The following SMG1 variants were observed in gnomAD, a reference collection of about 807,000 sequenced individuals.
SMG1 encodes the protein SMG1 nonsense mediated mRNA decay associated PI3K related kinase.
Under a neutral mutation model 419.9 loss-of-function variants are expected in SMG1, and 22 were observed. That is an observed-to-expected ratio of 0.05 (90% confidence interval 0.04 to 0.07). The LOEUF (loss-of-function observed/expected upper bound fraction) is 0.07. Among genes scored for constraint, SMG1 ranks in the 10% least tolerant of loss-of-function variants. SMG1 has a pLI of 1.00. For synonymous variants in SMG1, 1,538 were observed against 1,553.5 expected (o/e 0.99, Z 0.23); for missense variants, 3,185 against 4,342.0 (o/e 0.73, Z 7.49).
intron 1 of SMG1, among the ~76,000 whole-genome samples, chr16:18,922,325 T>A (rs1386067294): frequency 6.6e-6 from 1 of 152,272 alleles, no homozygotes; most frequent in South Asian, 2.1e-4. Flanking sequence ...AGGTCAGATA[T>A]CCCTTTGTTC....
At chr16:18,867,128 G>A (rs2035554524) in intron 22 of SMG1, among the ~76,000 whole-genome samples, 1 of 152,178 alleles carries the variant, frequency 6.6e-6, no homozygotes, top group South Asian at 2.1e-4. Flanking sequence ...TTTGAATACT[G>A]CTTGACATTA....
intron 6 of SMG1, among the ~76,000 whole-genome samples, chr16:18,886,009 T>G (rs2036597001): frequency 6.6e-6 from 1 of 152,172 alleles, no homozygotes; most frequent in Non-Finnish European, 1.5e-5. Flanking sequence ...ACTAAGATGT[T>G]AAGCTAAAAA....
In SMG1 at chr16:18,854,697, G is replaced by A; in HGVS notation, c.4442C>T (p.Pro1481Leu). 6.2e-7 allele frequency: 1 copy of A among 1,613,678 alleles called. No individual in the cohort carries two copies. The highest frequency in any genetic ancestry group is 8.5e-7 in the Non-Finnish European group (1 of 1,179,818). Residue 1481 changes from proline to leucine, a missense_variant, in exon 30 of 63, where the codon CCC becomes CTC. By Grantham distance (98) the Pro-to-Leu change is moderately conservative (BLOSUM62 -3). Transcript: ENST00000446231. Reference protein sequence around the residue: ...TQGQVDEKWGPELDIEKTKLL... With the variant: ...TQGQVDEKWGLELDIEKTKLL... ...TTTGGTTTTTTCAATATCAAGTTCG[G>A]GCCCCCATTTTTCATCCACTTGACC...
chr16:18,921,871 C>T (rs1370655810), intron 1 of SMG1, among the ~76,000 whole-genome samples: 4 of 152,154 alleles, frequency 2.6e-5, no homozygotes. Context: ...TTTAATCTGT[C>T]TACAATCTAC....
At position 18,882,286 on chromosome 16, in the gene SMG1, G is replaced by A; in HGVS notation, c.1172C>T (p.Pro391Leu). 2.5e-6 allele frequency: 4 copies of A among 1,610,204 alleles called. No homozygotes were observed. The highest frequency in any genetic ancestry group is 3.4e-6 in the Non-Finnish European group (4 of 1,178,940). ...AGCCAGCTTTGGTAATGACACTGAT[G>A]GAGGAGGGACATCTTCATCCACTGA... ...GESVDEDVPP[P>L]SVSLPKLAAL... The change falls in exon 10 of 63, where the codon CCA (proline) becomes CTA (leucine). Residue 391 changes from proline to leucine, a missense_variant. Pro to Leu is a moderately conservative substitution (Grantham distance 98, BLOSUM62 -3). Around this residue, in one of 27 missense-constraint regions of SMG1, gnomAD observed 52 missense variants for 69.0 expected, o/e 0.75. Transcript: ENST00000446231.
intron 55 of SMG1, among the ~76,000 whole-genome samples, chr16:18,820,155 G>A (rs1280889120): frequency 7.2e-5 from 11 of 151,990 alleles, no homozygotes; most frequent in African/African-American, 1.7e-4. Context: ...TAGTAAAGAC[G>A]GAGTTTTACC....
Position 18,919,657 on chromosome 16 carries a change from T to TACACACAC in SMG1, c.92+6285_92+6292dup, listed in dbSNP as rs368125844. ...AAATGTGTGTGTGTGTGTGTATATA[T>TACACACAC]ACACACACACACACACACACACACA... On this transcript the variant is annotated intron_variant, in intron 1 of 62. Transcript: ENST00000446231. 1.1e-4 allele frequency among the ~76,000 whole-genome samples: 14 copies of TACACACAC among 125,816 alleles called. No individual in the cohort carries two copies. The East Asian group carries it at 1.7e-3, about 15-fold the overall frequency. The allele number at this position is 125,816 out of a possible 152,430, so 82.5% of individuals were successfully genotyped here.
At chr16:18,852,250 T>C in intron 32 of SMG1, 45 bp from the exon 33 acceptor site, 1 of 1,606,452 alleles carries the variant, frequency 6.2e-7, no homozygotes, top group Non-Finnish European at 8.5e-7. Context: ...ACCCAAACTT[T>C]ACCATATCAG....
At chr16:18,811,194 G>A (rs1363024169) in intron 62 of SMG1, among the ~76,000 whole-genome samples, 1 of 151,984 alleles carries the variant, frequency 6.6e-6, no homozygotes, top group Non-Finnish European at 1.5e-5. Flanking sequence ...CTTGGTGGTG[G>A]GATGCAAGTC....
chr16:18,879,965 T>C (rs2036310687), intron 10 of SMG1, among the ~76,000 whole-genome samples: 1 of 152,210 alleles, frequency 6.6e-6, no homozygotes, highest in African/African-American at 2.4e-5. Context: ...CATCCTCTAT[T>C]TCCCATATAC....
chr16:18,851,379 T>G (rs1036093431), intron 33 of SMG1, among the ~76,000 whole-genome samples: 1 of 151,728 alleles, frequency 6.6e-6, no homozygotes, highest in Admixed American at 6.6e-5. Flanking sequence ...TAGCATCACC[T>G]AGTAAGTTTA....
chr16:18,863,509 T>G, intron 25 of SMG1, 141 bp downstream of exon 25: 1 of 757,164 alleles, frequency 1.3e-6, no homozygotes. Flanking sequence ...AGTTTCCTGT[T>G]GTCATTTTCA....
chr16:18,811,558 G>C (rs2141064842), intron 62 of SMG1, among the ~76,000 whole-genome samples: 1 of 152,308 alleles, frequency 6.6e-6, no homozygotes, highest in Non-Finnish European at 1.5e-5. Context: ...CTAGGGGAAA[G>C]GAAAGTGCTC....
chr16:18,860,286 C>A (rs920244418), intron 26 of SMG1, among the ~76,000 whole-genome samples: 3 of 152,196 alleles, frequency 2.0e-5, no homozygotes, highest in Non-Finnish European at 4.4e-5. Context: ...ATTAGCAAAT[C>A]TTGCTCAATC....
rs1266569946 is a variant in SMG1, at chr16:18,866,673, C to A, written c.3298G>T (p.Val1100Phe). The A allele has an allele frequency of 1.9e-6, 3 of 1,595,308 alleles. No homozygotes were observed. Among genetic ancestry groups the A allele is most frequent in the Non-Finnish European group, 2.5e-6 (3 of 1,177,896 alleles). Residue 1100 changes from valine (V) to phenylalanine (F), a missense_variant, in exon 23 of 63, where the codon GTT becomes TTT. Val to Phe is a conservative substitution (Grantham distance 50, BLOSUM62 -1). Transcript: ENST00000446231. Reference sequence around the variant, plus strand: ...TTAATCCACAGAAGATTTTTTCCAACAATAGATGATGACCAGACAGCAATT... The same window carrying A: ...TTAATCCACAGAAGATTTTTTCCAAAAATAGATGATGACCAGACAGCAATT... Reference protein sequence around the residue: ...QGIAVWSSSIVGKNLLWINSV... With the variant: ...QGIAVWSSSIFGKNLLWINSV...
intron 1 of SMG1, among the ~76,000 whole-genome samples, chr16:18,912,238 A>C (rs888723720): frequency 6.6e-6 from 1 of 151,410 alleles, no homozygotes; most frequent in Non-Finnish European, 1.5e-5. Flanking sequence ...ATAGGAGAAT[A>C]GTTTTTGAAA....
chr16:18,925,133 C>T (rs2038341732), intron 1 of SMG1: 2 of 152,214 alleles, frequency 1.3e-5, no homozygotes. Flanking sequence ...AAATTAGGCA[C>T]AGCTGCCCTC....
At position 18,834,693 on chromosome 16, in the gene SMG1, C is replaced by T. The variant is rs369436910; in HGVS notation, c.8330+199G>A. The stretch of plus-strand genomic sequence containing the variant: ...TTAAGGAGGCTGAGGTTGCTGTGAG[C>T]CGAGATCGTGCCACTGCACTCCAGC... On this transcript the variant is annotated intron_variant, in intron 49 of 62. Transcript: ENST00000446231. 7.4e-4 allele frequency among the ~76,000 whole-genome samples: 113 copies of T among 152,208 alleles called. 1 individual carries two copies. In the East Asian group the frequency reaches 0.019, roughly 26 times the overall value.
chr16:18,813,656 CTTTAG>C (rs756366482), intron 60 of SMG1, among the ~76,000 whole-genome samples: 7 of 152,208 alleles, frequency 4.6e-5, no homozygotes, highest in Admixed American at 1.3e-4. Context: ...TGCAGAAGCT[CTTTAG>C]TTTAATTAGA....
Sources: allele counts gnomAD v4.1 joint callset (sites outside exome capture counted in the v4.1 genomes callset), GRCh38; gene constraint gnomAD v4.1.1; regional missense constraint gnomAD v4.1.1; transcripts MANE v1.5; gene names NCBI Gene and HGNC (gene_info 2026-07-23, HGNC 2026-07-21).